LDLRAD2: variants seen among roughly 807,000 people sequenced by gnomAD.
The protein encoded by LDLRAD2 is low-density lipoprotein receptor class A domain-containing protein 2.
A neutral mutation model predicts 24.9 loss-of-function variants in LDLRAD2; 25 were observed. The ratio of observed to expected loss-of-function variants is 1.00; its 90% confidence interval spans 0.73 to 1.40. The LOEUF (loss-of-function observed/expected upper bound fraction) is 1.40, where lower values mean the gene tolerates loss of function less well. LDLRAD2 is among the 40% of genes most tolerant of loss of function. The pLI is 0.00. For missense variants in LDLRAD2, 391 were observed against 366.2 expected (o/e 1.07, Z -0.55); for synonymous variants, 182 against 166.7 (o/e 1.09, Z -0.71).
chr1:21,824,067 T>C lies in LDLRAD2; in HGVS notation c.*1852T>C. On this transcript the variant is annotated 3_prime_UTR_variant, in exon 5 of 5. Coordinates refer to ENST00000344642, the MANE Select transcript of LDLRAD2 (RefSeq NM_001013693.3). This position sits in a 1 kb window ranked among gnomAD's most constrained non-coding sequence, Gnocchi z 5.9. Reference sequence around the variant, plus strand: ...TCTCTGCCCATGGTAGGGGGCGTCCTGCCCCACTCCAGAACGCTGGGCCCC... The same window carrying C: ...TCTCTGCCCATGGTAGGGGGCGTCCCGCCCCACTCCAGAACGCTGGGCCCC... 1 of 1,494,528 alleles carries C rather than the reference T, an allele frequency of 6.7e-7. No individual in the cohort carries two copies. The highest frequency in any genetic ancestry group is 2.3e-4 in the Middle Eastern group (1 of 4,416). The allele number at this position is 1,494,528 out of a possible 1,614,324, so 92.6% of individuals were successfully genotyped here. A position where few individuals can be genotyped will look rare whatever the true frequency, so the allele number is the denominator to read the frequency against.
Position 21,823,660 on chromosome 1 carries a change from G to T in LDLRAD2, c.*1445G>T. 1.2e-6 allele frequency: 2 copies of T among 1,613,510 alleles called. No individual in the cohort carries two copies. Among genetic ancestry groups the T allele is most frequent in the Non-Finnish European group, 1.7e-6 (2 of 1,179,830 alleles). On this transcript the variant is annotated 3_prime_UTR_variant, in exon 5 of 5. Coordinates refer to ENST00000344642, the MANE Select transcript of LDLRAD2 (RefSeq NM_001013693.3). ...GGCGTTGACTGCCACGTTGGGACCT[G>T]GGGACCGGCCGCTGACCAGCTCCTC... is the stretch of plus-strand genomic sequence containing the variant.
Position 21,823,625 on chromosome 1 carries a change from C to T in LDLRAD2, c.*1410C>T, listed in dbSNP as rs1138469. ...GGAGCCCCAGACTTACCGATGTAGA[C>T]GCTGCCCTTGGCGTTGACTGCCACG... On this transcript the variant is annotated 3_prime_UTR_variant, in exon 5 of 5. Transcript: ENST00000344642. The T allele has an allele frequency of 0.06, 97,384 of 1,613,462 alleles. 3,252 individuals are homozygous for T. The highest frequency in any genetic ancestry group is 0.1 in the South Asian group (9,261 of 91,072).
At chr1:21,822,148 A>G in intron 4 of LDLRAD2, 54 bp from the exon 5 acceptor site, 1 of 1,613,872 alleles carries the variant, frequency 6.2e-7, no homozygotes, top group Non-Finnish European at 8.5e-7. Flanking sequence ...GCTGATCCCA[A>G]GCCAGCTTGC....
intron 3 of LDLRAD2, among the ~76,000 whole-genome samples, chr1:21,816,964 T>C (rs572735438): frequency 1.3e-5 from 2 of 152,298 alleles, no homozygotes; most frequent in East Asian, 1.9e-4. Context: ...CGTGGATGTA[T>C]AGGCGAAATC....
chr1:21,822,544 G>A lies in LDLRAD2; in HGVS notation c.*329G>A. On this transcript the variant is annotated 3_prime_UTR_variant, in exon 5 of 5. Transcript: ENST00000344642. ...CCTGGGCCTTCACTTCCAGATGGGT[G>A]GGGATGTGGCCTGGGGTGGGCGGGG... 2.6e-6 allele frequency: 1 copy of A among 380,320 alleles called. No individual in the cohort carries two copies. Among genetic ancestry groups the A allele is most frequent in the South Asian group, 2.8e-5 (1 of 35,178 alleles). The allele number at this position is 380,320 out of a possible 1,614,324, so 23.6% of individuals were successfully genotyped here.
intron 3 of LDLRAD2, among the ~76,000 whole-genome samples, chr1:21,819,507 TAA>T (rs2097947936): frequency 6.6e-6 from 1 of 151,772 alleles, no homozygotes; most frequent in Admixed American, 6.6e-5. Flanking sequence ...TATAAATTTA[TAA>T]ATTACCTTTC....
In LDLRAD2 at chr1:21,824,852, C is replaced by G. The variant is rs2097965242; in HGVS notation, c.*2637C>G. The G allele has an allele frequency of 4.5e-6, 6 of 1,348,128 alleles. No homozygotes were observed. The South Asian group carries it at 7.5e-5, about 17-fold the overall frequency. The allele number at this position is 1,348,128 out of a possible 1,614,324, so 83.5% of individuals were successfully genotyped here. On this transcript the variant is annotated 3_prime_UTR_variant, in exon 5 of 5. Transcript: ENST00000344642. This position sits in a 1 kb window ranked among gnomAD's most constrained non-coding sequence, Gnocchi z 5.9. ...AAATCCCCCGTCAGTTCCCCTGACC[C>G]CCACCTCCACGCCAACATGCAGGAC...
At position 21,814,381 on chromosome 1, in the gene LDLRAD2, C is replaced by T; in HGVS notation, c.86-17C>T. On this transcript the variant is annotated splice_polypyrimidine_tract_variant and intron_variant, in intron 1 of 4. Coordinates refer to ENST00000344642, the MANE Select transcript of LDLRAD2 (RefSeq NM_001013693.3). The stretch of plus-strand genomic sequence containing the variant: ...GGTCGCGCCGCGCGGCTCCAGTTTC[C>T]GTGCCTTCCGCTGCAGCCGACCTGG... 6.4e-7 allele frequency: 1 copy of T among 1,569,354 alleles called. No individual in the cohort carries two copies. The highest frequency in any genetic ancestry group is 2.3e-5 in the East Asian group (1 of 43,492).
At chr1:21,820,631 C>T (rs2097950077) in intron 3 of LDLRAD2, among the ~76,000 whole-genome samples, 1 of 152,030 alleles carries the variant, frequency 6.6e-6, no homozygotes, top group Non-Finnish European at 1.5e-5. Flanking sequence ...AAATTCTATT[C>T]ATGTGTTTTG....
At position 21,824,765 on chromosome 1, in the gene LDLRAD2, A is replaced by T. The variant is rs1251979548; in HGVS notation, c.*2550A>T. 1 of 1,613,036 alleles carries T rather than the reference A, an allele frequency of 6.2e-7. No individual in the cohort carries two copies. Among genetic ancestry groups the T allele is most frequent in the South Asian group, 1.1e-5 (1 of 90,884 alleles). The stretch of plus-strand genomic sequence containing the variant: ...CCATCATCGTGGAAATAGGCTCCGT[A>T]CTGCCCAGGGGCATCTGTGGGAGAG... On this transcript the variant is annotated 3_prime_UTR_variant, in exon 5 of 5. Coordinates refer to ENST00000344642, the MANE Select transcript of LDLRAD2 (RefSeq NM_001013693.3). This position sits in a 1 kb window ranked among gnomAD's most constrained non-coding sequence, Gnocchi z 5.9.
chr1:21,815,813 T>A (rs929464829), intron 2 of LDLRAD2, 130 bp from the exon 3 acceptor site: 3 of 1,045,382 alleles, frequency 2.9e-6, no homozygotes, highest in African/African-American at 3.2e-5. Context: ...TCATCCATGT[T>A]CTCATCTGCA....
chr1:21,822,418 CCTCT>C lies in LDLRAD2; in HGVS notation c.*211_*214del, dbSNP rs1484871123. The stretch of plus-strand genomic sequence containing the variant: ...TGGGGCAGGGTGGTCATATCCCCCT[CCTCT>C]CTCTCTCAGTCGTGAGTCCTGCCTT... On this transcript the variant is annotated 3_prime_UTR_variant, in exon 5 of 5. Transcript: ENST00000344642. 16 of 602,792 alleles carry C rather than the reference CCTCT, an allele frequency of 2.7e-5. No homozygotes were observed. The highest frequency in any genetic ancestry group is 1.2e-5 in the Non-Finnish European group (4 of 336,188). The allele number at this position is 602,792 out of a possible 1,614,324, so 37.3% of individuals were successfully genotyped here.
Position 21,824,227 on chromosome 1 carries a change from A to T in LDLRAD2, c.*2012A>T. The T allele has an allele frequency of 1.2e-6, 2 of 1,613,476 alleles. No individual in the cohort carries two copies. The highest frequency in any genetic ancestry group is 1.7e-6 in the Non-Finnish European group (2 of 1,179,698). The stretch of plus-strand genomic sequence containing the variant: ...TACCTGCAGTCATCCAGGCCCAAGA[A>T]GTATGAGCTGGGGCAGGACCGGGGG... On this transcript the variant is annotated 3_prime_UTR_variant, in exon 5 of 5. Transcript: ENST00000344642. This position sits in a 1 kb window ranked among gnomAD's most constrained non-coding sequence, Gnocchi z 5.9.
rs563739329 is a variant in LDLRAD2 at position 21,824,883 on chromosome 1, G to A, written c.*2668G>A. 26 of 1,094,792 alleles carry A rather than the reference G, an allele frequency of 2.4e-5. No homozygotes were observed. In the African/African-American group the frequency reaches 3.6e-4, roughly 15 times the overall value. 67.8% of individuals were successfully genotyped at this position (1,094,792 alleles called of 1,614,324 possible). On this transcript the variant is annotated 3_prime_UTR_variant, in exon 5 of 5. Coordinates refer to ENST00000344642, the MANE Select transcript of LDLRAD2 (RefSeq NM_001013693.3). This position sits in a 1 kb window ranked among gnomAD's most constrained non-coding sequence, Gnocchi z 5.9. ...TCCACGCCAACATGCAGGACTAGGGGGCTCCGAGCCTGCAGTCCCTGGGGA... is the reference window on the plus strand; with the variant it reads ...TCCACGCCAACATGCAGGACTAGGGAGCTCCGAGCCTGCAGTCCCTGGGGA...
At chr1:21,821,182 G>A (rs1334143122) in intron 3 of LDLRAD2, among the ~76,000 whole-genome samples, 2 of 152,198 alleles carry the variant, frequency 1.3e-5, no homozygotes, top group Non-Finnish European at 2.9e-5. Flanking sequence ...GGGCGACAGA[G>A]TGAGACCCTG....
intron 2 of LDLRAD2, 112 bp downstream of exon 2, chr1:21,814,935 C>A: frequency 9.4e-7 from 1 of 1,058,722 alleles, no homozygotes; most frequent in Non-Finnish European, 1.3e-6. Context: ...GGCAGGGGTG[C>A]CCGAAGCACA....
chr1:21,822,350 C>A lies in LDLRAD2; in HGVS notation c.*135C>A. On this transcript the variant is annotated 3_prime_UTR_variant, in exon 5 of 5. Coordinates refer to ENST00000344642, the MANE Select transcript of LDLRAD2 (RefSeq NM_001013693.3). ...TCCCAACCCCACAGTCTGGGGGCCA[C>A]TGGCAGGATGGCACTTGAGCTGGAT... 1 of 856,740 alleles carries A rather than the reference C, an allele frequency of 1.2e-6. No individual in the cohort carries two copies. The allele number at this position is 856,740 out of a possible 1,614,324, so 53.1% of individuals were successfully genotyped here. A position where few individuals can be genotyped will look rare whatever the true frequency, so the allele number is the denominator to read the frequency against.
In LDLRAD2 at chr1:21,814,748, C is replaced by A. The variant is rs1365930521; in HGVS notation, c.436C>A (p.Leu146Ile). The change falls in exon 2 of 5, where the codon CTA (leucine) becomes ATA (isoleucine). Residue 146 changes from leucine to isoleucine, a missense_variant. Transcript: ENST00000344642. ...PVPVASSGPF[L>I]GLRLVTRGRQ... is the part of the protein sequence containing the mutation. ...GCCTGTGGCATCCTCCGGACCCTTTCTAGGCCTGCGCCTGGTCACGAGAGG... is the reference window on the plus strand; with the variant it reads ...GCCTGTGGCATCCTCCGGACCCTTTATAGGCCTGCGCCTGGTCACGAGAGG... 1 of 1,532,970 alleles carries A rather than the reference C, an allele frequency of 6.5e-7. No individual in the cohort carries two copies. Among genetic ancestry groups the A allele is most frequent in the African/African-American group, 1.4e-5 (1 of 72,254 alleles). The allele number at this position is 1,532,970 out of a possible 1,614,324, so 95.0% of individuals were successfully genotyped here.
Position 21,823,920 on chromosome 1 carries a change from A to T in LDLRAD2, c.*1705A>T. 1 of 724,396 alleles carries T rather than the reference A, an allele frequency of 1.4e-6. No homozygotes were observed. Among genetic ancestry groups the T allele is most frequent in the East Asian group, 2.7e-5 (1 of 37,044 alleles). The allele number at this position is 724,396 out of a possible 1,614,324, so 44.9% of individuals were successfully genotyped here. On this transcript the variant is annotated 3_prime_UTR_variant, in exon 5 of 5. Transcript: ENST00000344642. Reference sequence around the variant, plus strand: ...CATTTCTGCACCCAGGTTTCCTCCCACTCCTGGGGCACTCGCCTGCCCCCA... The same window carrying T: ...CATTTCTGCACCCAGGTTTCCTCCCTCTCCTGGGGCACTCGCCTGCCCCCA...
Sources: gnomAD v4.1 joint callset for allele counts (sites outside exome capture counted in the v4.1 genomes callset) on GRCh38, gnomAD v4.1.1 for gene constraint, Gnocchi (gnomAD v3.1) non-coding constraint, MANE v1.5 for transcripts, NCBI Gene and HGNC (gene_info 2026-07-23, HGNC 2026-07-21) for gene names.